CACNA1D: variants seen among roughly 807,000 people sequenced by gnomAD.
CACNA1D encodes the protein voltage-dependent L-type calcium channel subunit alpha-1D.
In CACNA1D, 55 loss-of-function variants were observed where a neutral mutation model predicts 257.1. The ratio of observed to expected loss-of-function variants is 0.21; its 90% CI spans 0.17 to 0.27. CACNA1D has a LOEUF of 0.27. CACNA1D is among the 10% of genes least tolerant of loss of function. The pLI is 1.00. For synonymous variants in CACNA1D, 980 were observed against 1,014.9 expected (o/e 0.97, Z 0.65); for missense variants, 1,876 against 2,784.0 (o/e 0.67, Z 7.34).
chr3:53,633,016 G>T (rs1050338427), intron 3 of CACNA1D, among the ~76,000 whole-genome samples: 2 of 152,216 alleles, frequency 1.3e-5, no homozygotes, highest in Non-Finnish European at 2.9e-5. Flanking sequence ...AGACCCGCTT[G>T]TTGCAGCATT....
At chr3:53,624,814 G>A (rs2093738185) in intron 3 of CACNA1D, among the ~76,000 whole-genome samples, 1 of 152,200 alleles carries the variant, frequency 6.6e-6, no homozygotes, top group Admixed American at 6.5e-5. Flanking sequence ...TGTCCAGGTG[G>A]TATCCGTGGG....
chr3:53,718,762 C>G (rs1457936898), intron 10 of CACNA1D: 1 of 1,545,236 alleles, frequency 6.5e-7, no homozygotes, highest in Admixed American at 2.0e-5. Flanking sequence ...GATTCTCCTT[C>G]CAGCCTGGGT....
rs58018190 is a variant in CACNA1D at position 53,713,543 on chromosome 3, T to TGAGAGA, written c.1391-4757_1391-4752dup. On this transcript the variant is annotated intron_variant, in intron 9 of 47. Coordinates refer to ENST00000350061, the MANE Select transcript of CACNA1D (RefSeq NM_001128840.3). ...GTGTGTGTGTGTGTGTGTGTGTGTG[T>TGAGAGA]GAGAGATTTGCCTCCAAATTCACAA... 2.0e-3 allele frequency among the ~76,000 whole-genome samples: 244 copies of TGAGAGA among 121,006 alleles called. 5 individuals are homozygous for TGAGAGA. The South Asian group carries it at 0.046, about 23-fold the overall frequency. The allele number at this position is 121,006 out of a possible 152,430, so 79.4% of individuals were successfully genotyped here.
At chr3:53,808,916 C>T in intron 46 of CACNA1D, 146 bp downstream of exon 46, 1 of 826,776 alleles carries the variant, frequency 1.2e-6, no homozygotes, top group Non-Finnish European at 1.9e-6. Context: ...TGTAACAATC[C>T]TGTCAAATAG....
chr3:53,675,471 C>T (rs928615700), intron 8 of CACNA1D, among the ~76,000 whole-genome samples: 17 of 152,274 alleles, frequency 1.1e-4, no homozygotes, highest in African/African-American at 3.6e-4. Flanking sequence ...TGACGGAGGC[C>T]ATGGAAACCA....
intron 3 of CACNA1D, among the ~76,000 whole-genome samples, chr3:53,511,238 T>G (rs1292562835): frequency 1.3e-5 from 2 of 152,148 alleles, no homozygotes; most frequent in Non-Finnish European, 2.9e-5. Flanking sequence ...GAAAATAGAA[T>G]TTGATGAAAG....
At chr3:53,721,381 AC>A (rs2094881176) in intron 11 of CACNA1D, among the ~76,000 whole-genome samples, 1 of 152,124 alleles carries the variant, frequency 6.6e-6, no homozygotes, top group African/African-American at 2.4e-5. Flanking sequence ...CAGAGGAAGT[AC>A]CCCATTGTCG....
intron 3 of CACNA1D, among the ~76,000 whole-genome samples, chr3:53,548,021 G>C (rs1452181342): frequency 6.6e-6 from 1 of 152,236 alleles, no homozygotes; most frequent in Non-Finnish European, 1.5e-5. Context: ...AGATTTTACA[G>C]CTGGGTAGGT....
intron 5 of CACNA1D, among the ~76,000 whole-genome samples, chr3:53,660,682 CT>C (rs796561124): frequency 0.014 from 2,021 of 147,096 alleles, 43 homozygotes; most frequent in African/African-American, 0.045. Context: ...AGCTGCGTGC[CT>C]TTTTTTTTTT....
intron 3 of CACNA1D, among the ~76,000 whole-genome samples, chr3:53,517,330 A>G (rs570553974): frequency 7.6e-4 from 115 of 152,244 alleles, no homozygotes; most frequent in African/African-American, 2.5e-3. Context: ...CAGCACAGCT[A>G]TGGTGATTGT....
At chr3:53,543,099 A>AACTTAAAGTATAATAATAATAAAATT (rs2092337106) in intron 3 of CACNA1D, among the ~76,000 whole-genome samples, 1 of 150,804 alleles carries the variant, frequency 6.6e-6, no homozygotes, top group African/African-American at 2.4e-5. Flanking sequence ...ATTAAAAAAA[A>AACTTAAAGTATAATAATAATAAAATT]AAAAAAGAAC....
chr3:53,620,477 A>G (rs945912596), intron 3 of CACNA1D, among the ~76,000 whole-genome samples: 2 of 152,194 alleles, frequency 1.3e-5, no homozygotes, highest in Admixed American at 6.6e-5. Context: ...GTTTTTGTAG[A>G]GATGGGGTCT....
intron 3 of CACNA1D, among the ~76,000 whole-genome samples, chr3:53,601,151 C>G (rs1336629699): frequency 6.6e-6 from 1 of 152,194 alleles, no homozygotes; most frequent in Admixed American, 6.5e-5. Flanking sequence ...GTGCCACTTT[C>G]AGGCTGTGTG....
At chr3:53,573,366 C>T (rs554394711) in intron 3 of CACNA1D, among the ~76,000 whole-genome samples, 72 of 152,314 alleles carry the variant, frequency 4.7e-4, no homozygotes, top group Non-Finnish European at 9.0e-4. Flanking sequence ...GTTCCTCAGC[C>T]GTGCCAGGCT....
intron 3 of CACNA1D, among the ~76,000 whole-genome samples, chr3:53,538,219 C>A (rs977333325): frequency 6.0e-5 from 8 of 133,672 alleles, no homozygotes; most frequent in Non-Finnish European, 1.2e-4. Flanking sequence ...GTGATCTTGG[C>A]TCACTGCAAC....
chr3:53,696,970 C>T (rs975629870), intron 8 of CACNA1D, among the ~76,000 whole-genome samples: 1 of 152,064 alleles, frequency 6.6e-6, no homozygotes, highest in Non-Finnish European at 1.5e-5. Context: ...GGGAAGCAAG[C>T]TCTGATGAAA....
intron 39 of CACNA1D, chr3:53,782,260 G>GTATATATATATATATA (rs1462213888): frequency 7.8e-4 from 36 of 46,262 alleles, no homozygotes; most frequent in Admixed American, 3.3e-3. Flanking sequence ...GTGTGTGTGT[G>GTATATATATATATATA]TGTGTATATA....
At chr3:53,649,140 C>T (rs1438259183) in intron 3 of CACNA1D, among the ~76,000 whole-genome samples, 1 of 152,118 alleles carries the variant, frequency 6.6e-6, no homozygotes, top group African/African-American at 2.4e-5. Context: ...CAGCCGGAGC[C>T]CAGGGGCAGC....
At chr3:53,803,612 C>G in intron 44 of CACNA1D, 40 bp downstream of exon 44, 1 of 1,606,796 alleles carries the variant, frequency 6.2e-7, no homozygotes, top group African/African-American at 1.3e-5. Context: ...GGAGGCCGCC[C>G]TGCCCTGGTG....
Sources: allele counts gnomAD v4.1 joint callset (sites outside exome capture counted in the v4.1 genomes callset), GRCh38; gene constraint gnomAD v4.1.1; transcripts MANE v1.5; gene names NCBI Gene and HGNC (gene_info 2026-07-23, HGNC 2026-07-21).